Variants in ATP2B1 observed in about 807,000 individuals in gnomAD.
ATP2B1 encodes plasma membrane calcium-transporting ATPase 1.
In ATP2B1, 14 loss-of-function variants were observed where a neutral mutation model predicts 124.2. The observed-to-expected ratio is 0.11, with a 90% CI of 0.07 to 0.18. The LOEUF (loss-of-function observed/expected upper bound fraction) is 0.18. ATP2B1 is among the 10% of genes least tolerant of loss of function. The pLI is 1.00. For synonymous variants in ATP2B1, 449 were observed against 492.4 expected, an observed-to-expected ratio of 0.91 and a Z score of 1.17; for missense variants, 763 against 1,466.1, an observed-to-expected ratio of 0.52 and a Z score of 7.83.
At chr12:89,644,990 CA>C (rs1219116321) in intron 2 of ATP2B1, among the ~76,000 whole-genome samples, 1 of 152,146 alleles carries the variant, frequency 6.6e-6, no homozygotes, top group East Asian at 1.9e-4. Context: ...CTAACACACA[CA>C]AAAGCACACA....
At chr12:89,655,430 CAGT>C (rs1161851314) in intron 2 of ATP2B1, among the ~76,000 whole-genome samples, 1 of 152,126 alleles carries the variant, frequency 6.6e-6, no homozygotes, top group Non-Finnish European at 1.5e-5. Context: ...AAACAGGAAG[CAGT>C]AGTATATATA....
chr12:89,599,382 AGTG>A (rs1875342426), intron 19 of ATP2B1, 83 bp from the exon 20 acceptor site: 1 of 1,403,218 alleles, frequency 7.1e-7, no homozygotes, highest in Non-Finnish European at 9.8e-7. Context: ...AGGTATTAAA[AGTG>A]GTGAGAGTAT....
chr12:89,660,896 T>C (rs367753695), intron 1 of ATP2B1, among the ~76,000 whole-genome samples: 1 of 152,194 alleles, frequency 6.6e-6, no homozygotes, highest in Non-Finnish European at 1.5e-5. Context: ...AGTATATGAT[T>C]TGATATACTG....
intron 13 of ATP2B1, 62 bp from the exon 14 acceptor site, chr12:89,610,570 A>G: frequency 7.5e-7 from 1 of 1,331,934 alleles, no homozygotes; most frequent in East Asian, 2.3e-5. Context: ...CTAATGAGCT[A>G]TCTGGCATAT....
intron 5 of ATP2B1, among the ~76,000 whole-genome samples, chr12:89,633,426 A>T (rs942212774): frequency 6.6e-6 from 1 of 151,498 alleles, no homozygotes; most frequent in Non-Finnish European, 1.5e-5. Flanking sequence ...AGCATTACGT[A>T]TATCTCCTAA....
intron 1 of ATP2B1, among the ~76,000 whole-genome samples, chr12:89,704,580 T>C (rs1291614732): frequency 6.6e-6 from 1 of 151,926 alleles, no homozygotes; most frequent in Non-Finnish European, 1.5e-5. Flanking sequence ...TATATGACCT[T>C]AGGGCCTAGA....
At chr12:89,671,325 G>C (rs1020692976) in intron 1 of ATP2B1, among the ~76,000 whole-genome samples, 1 of 152,064 alleles carries the variant, frequency 6.6e-6, no homozygotes, top group Non-Finnish European at 1.5e-5. Flanking sequence ...CATTAGAAGA[G>C]GAAAAGAAAA....
chr12:89,662,557 A>C (rs1286802880), intron 1 of ATP2B1, among the ~76,000 whole-genome samples: 1 of 152,220 alleles, frequency 6.6e-6, no homozygotes, highest in South Asian at 2.1e-4. Flanking sequence ...ACACACTCAC[A>C]TAAAAGATCA....
chr12:89,621,938 A>ATTTT, intron 9 of ATP2B1, 147 bp from the exon 10 acceptor site: 2 of 658,940 alleles, frequency 3.0e-6, no homozygotes. Context: ...TAATACTGAA[A>ATTTT]TTTTTTTTTT....
intron 3 of ATP2B1, 96 bp from the exon 4 acceptor site, chr12:89,635,347 T>G (rs573153437): frequency 1.5e-6 from 2 of 1,343,186 alleles, no homozygotes; most frequent in Non-Finnish European, 2.0e-6. Flanking sequence ...GTTAATTATG[T>G]TTATCAATTT....
At chr12:89,595,064 A>G (rs1874322342) in intron 20 of ATP2B1, among the ~76,000 whole-genome samples, 1 of 152,080 alleles carries the variant, frequency 6.6e-6, no homozygotes, top group Non-Finnish European at 1.5e-5. Flanking sequence ...GTTCTTATCT[A>G]TCTGGAACAG....
At chr12:89,652,563 T>G (rs1332245468) in intron 2 of ATP2B1, among the ~76,000 whole-genome samples, 7 of 152,244 alleles carry the variant, frequency 4.6e-5, no homozygotes. Flanking sequence ...ACTTGCTGTC[T>G]AGTTCATTTC....
At chr12:89,708,227 G>C (rs902740569) in intron 1 of ATP2B1, among the ~76,000 whole-genome samples, 1 of 152,124 alleles carries the variant, frequency 6.6e-6, no homozygotes, top group East Asian at 1.9e-4. Context: ...GCGCCGTGGC[G>C]GGGGCGACCG....
intron 1 of ATP2B1, among the ~76,000 whole-genome samples, chr12:89,704,967 G>T (rs1892282649): frequency 6.6e-6 from 1 of 152,088 alleles, no homozygotes; most frequent in Admixed American, 6.6e-5. Context: ...CCTGTCCTAT[G>T]TCCCCATTTA....
chr12:89,673,052 T>C (rs1043822334), intron 1 of ATP2B1, among the ~76,000 whole-genome samples: 3 of 152,186 alleles, frequency 2.0e-5, no homozygotes, highest in African/African-American at 7.2e-5. Flanking sequence ...ATCCTCAAAC[T>C]CAAACACAAA....
At chr12:89,640,836 C>T (rs1258993497) in intron 3 of ATP2B1, among the ~76,000 whole-genome samples, 1 of 152,186 alleles carries the variant, frequency 6.6e-6, no homozygotes, top group East Asian at 1.9e-4. Context: ...TCTGCCTGCT[C>T]CTGCTTCGCC....
At position 89,609,951 on chromosome 12, in the gene ATP2B1, C is replaced by T. The variant is rs752023625; in HGVS notation, c.2428G>A (p.Val810Ile). The stretch of plus-strand genomic sequence containing the variant: ...TAAATTCTTACCATTGCAAATCCAA[C>T]ATCTGCTTTCTTTAGTGCTGGGCCA... ...NDGPALKKAD[V>I]GFAMGIAGTD... The change falls in exon 15 of 21, where the codon GTT becomes ATT. Residue 810 changes from valine (V) to isoleucine (I), a missense_variant. Physicochemically the swap from Val to Ile is conservative, Grantham distance 29 (BLOSUM62 3). This residue lies in a region of ATP2B1 where 51 missense variants were observed against 192.8 expected (regional missense o/e 0.26). Transcript: ENST00000428670. 4 of 1,613,252 alleles carry T rather than the reference C, an allele frequency of 2.5e-6. No homozygotes were observed. Among genetic ancestry groups the T allele is most frequent in the Non-Finnish European group, 3.4e-6 (4 of 1,179,496 alleles).
chr12:89,650,891 G>A (rs565594764), intron 2 of ATP2B1, among the ~76,000 whole-genome samples: 5 of 152,082 alleles, frequency 3.3e-5, no homozygotes, highest in Admixed American at 3.3e-4. Flanking sequence ...GTCAATGCAG[G>A]AAAACAACAA....
At chr12:89,621,913 T>C (rs1225304664) in intron 9 of ATP2B1, 122 bp from the exon 10 acceptor site, 3 of 1,075,370 alleles carry the variant, frequency 2.8e-6, no homozygotes, top group Admixed American at 3.3e-5. Flanking sequence ...AAATACAATG[T>C]ATAAAGTACC....
Sources: allele counts gnomAD v4.1 joint callset (sites outside exome capture counted in the v4.1 genomes callset), GRCh38; gene constraint gnomAD v4.1.1; regional missense constraint gnomAD v4.1.1; transcripts MANE v1.5; gene names NCBI Gene and HGNC (gene_info 2026-07-23, HGNC 2026-07-21).